The following KDM4C variants were observed in gnomAD, a reference collection of about 807,000 sequenced individuals.
KDM4C encodes lysine-specific demethylase 4C.
Under a neutral mutation model 129.3 loss-of-function variants are expected in KDM4C, and 81 were observed. The observed-to-expected ratio is 0.63, with a 90% CI of 0.52 to 0.75. The LOEUF is 0.75. Among genes scored for constraint, KDM4C ranks in the 30% least tolerant of loss-of-function variants. The pLI is 0.00. For synonymous variants in KDM4C, 573 were observed against 456.1 expected, an observed-to-expected ratio of 1.26 and a Z score of -3.26; for missense variants, 1,457 against 1,304.0, an observed-to-expected ratio of 1.12 and a Z score of -1.81.
chr9:6,864,798 T>G (rs1213949159), intron 5 of KDM4C, among the ~76,000 whole-genome samples: 1 of 150,960 alleles, frequency 6.6e-6, no homozygotes, highest in Non-Finnish European at 1.5e-5. Context: ...TTTCTATATC[T>G]TGTTGGCAAT....
At chr9:7,136,006 G>T (rs148759393) in intron 19 of KDM4C, among the ~76,000 whole-genome samples, 1 of 152,230 alleles carries the variant, frequency 6.6e-6, no homozygotes, top group African/African-American at 2.4e-5. Context: ...CCCAGTGGAG[G>T]TTATTGACAG....
intron 17 of KDM4C, among the ~76,000 whole-genome samples, chr9:7,087,308 A>G (rs959157929): frequency 6.6e-5 from 10 of 152,104 alleles, no homozygotes; most frequent in Admixed American, 3.9e-4. Flanking sequence ...TATAATTAAA[A>G]TGACACAGAA....
At chr9:7,087,285 G>C (rs200335047) in intron 17 of KDM4C, among the ~76,000 whole-genome samples, 1 of 141,080 alleles carries the variant, frequency 7.1e-6, no homozygotes. Flanking sequence ...TTTTTTTTTT[G>C]AAAAAAGAAA....
At chr9:7,000,948 G>A (rs746634705) in intron 12 of KDM4C, among the ~76,000 whole-genome samples, 1 of 152,016 alleles carries the variant, frequency 6.6e-6, no homozygotes. Flanking sequence ...TTGTTTTGCC[G>A]CTGGCCAATG....
chr9:6,925,759 T>C (rs79964067), intron 8 of KDM4C: 14,441 of 454,416 alleles, frequency 0.032, 1,391 homozygotes, highest in African/African-American at 0.23. Flanking sequence ...AACTTTTTAA[T>C]TGAGATTCAT....
At chr9:7,067,449 T>C (rs540173356) in intron 17 of KDM4C, among the ~76,000 whole-genome samples, 1 of 152,292 alleles carries the variant, frequency 6.6e-6, no homozygotes, top group East Asian at 1.9e-4. Context: ...TACATTCTAT[T>C]TCTCTGAGAA....
At position 6,979,345 on chromosome 9, in the gene KDM4C, A is replaced by G. The variant is rs554254419; in HGVS notation, c.922-1580A>G. Among the ~76,000 whole-genome samples, 3 of 152,348 alleles carry G rather than the reference A, an allele frequency of 2.0e-5. No homozygotes were observed. In the South Asian group the frequency reaches 6.2e-4, roughly 32 times the overall value. ...TTCAGAGGAACAGTTGGGACAATTT[A>G]TATTCAGAGCCGAGGATGAAGTTTT... On this transcript the variant is annotated intron_variant, in intron 8 of 21. Transcript: ENST00000381309.
intron 8 of KDM4C, among the ~76,000 whole-genome samples, chr9:6,895,954 C>T (rs978061885): frequency 4.6e-5 from 7 of 152,098 alleles, no homozygotes; most frequent in African/African-American, 1.7e-4. Flanking sequence ...GCTGAGTTAG[C>T]ATTTTTTTTA....
intron 8 of KDM4C, among the ~76,000 whole-genome samples, chr9:6,932,314 A>AATG: frequency 6.6e-6 from 1 of 152,048 alleles, no homozygotes; most frequent in East Asian, 1.9e-4. Flanking sequence ...TTTCTGCGGC[A>AATG]CAGGGATTAT....
At chr9:7,126,005 A>C (rs992313274) in intron 18 of KDM4C, among the ~76,000 whole-genome samples, 1 of 152,248 alleles carries the variant, frequency 6.6e-6, no homozygotes, top group African/African-American at 2.4e-5. Context: ...CGGGGACTAT[A>C]GCCTTATCTT....
intron 8 of KDM4C, among the ~76,000 whole-genome samples, chr9:6,956,208 A>G (rs183918400): frequency 7.9e-5 from 12 of 152,248 alleles, no homozygotes; most frequent in African/African-American, 1.2e-4. Context: ...ACTATAGTCG[A>G]TAATAACTTA....
At chr9:6,891,911 C>G (rs1279365962) in intron 7 of KDM4C, among the ~76,000 whole-genome samples, 1 of 152,022 alleles carries the variant, frequency 6.6e-6, no homozygotes, top group Non-Finnish European at 1.5e-5. Context: ...TTTGTCAAAA[C>G]AGATCAAACT....
At chr9:6,938,919 A>C (rs918430899) in intron 8 of KDM4C, among the ~76,000 whole-genome samples, 1 of 152,024 alleles carries the variant, frequency 6.6e-6, no homozygotes, top group African/African-American at 2.4e-5. Context: ...GAATGCATAG[A>C]CCTGTTACTC....
chr9:6,769,116 T>G (rs1003497024), intron 1 of KDM4C, among the ~76,000 whole-genome samples: 1 of 152,164 alleles, frequency 6.6e-6, no homozygotes, highest in Non-Finnish European at 1.5e-5. Flanking sequence ...ATCAATACTC[T>G]TAAGTGAAGC....
At chr9:6,804,427 C>A (rs192843843) in intron 2 of KDM4C, among the ~76,000 whole-genome samples, 80 of 152,302 alleles carry the variant, frequency 5.3e-4, no homozygotes, top group African/African-American at 1.8e-3. Context: ...TACTAGCATA[C>A]CGCTGTGCTA....
chr9:6,837,950 C>T (rs915897650), intron 4 of KDM4C, among the ~76,000 whole-genome samples: 29 of 152,076 alleles, frequency 1.9e-4, no homozygotes, highest in Admixed American at 1.9e-3. Context: ...GCTTAACTTA[C>T]CTTTCAGACT....
At chr9:6,781,285 C>G (rs537062788) in intron 1 of KDM4C, among the ~76,000 whole-genome samples, 144 of 152,258 alleles carry the variant, frequency 9.5e-4, no homozygotes, top group African/African-American at 3.4e-3. Flanking sequence ...CTAGTAAATA[C>G]TGAAATGTTG....
chr9:7,000,587 T>C (rs1018785305), intron 12 of KDM4C, among the ~76,000 whole-genome samples: 1 of 152,214 alleles, frequency 6.6e-6, no homozygotes, highest in African/African-American at 2.4e-5. Context: ...TAGCACAGTT[T>C]CATGGTGCAT....
In KDM4C at chr9:6,765,793, C is replaced by CT. The variant is rs1033536872; in HGVS notation, c.-18+7598dup. 5.3e-5 allele frequency among the ~76,000 whole-genome samples: 8 copies of CT among 151,938 alleles called. No homozygotes were observed. In the East Asian group the frequency reaches 5.8e-4, roughly 11 times the overall value. ...CTATGCTGTACTCTATTTTCTTTTT[C>CT]TTTTTTTTGCAGGGGGATGGAGTCT... is the stretch of plus-strand genomic sequence containing the variant. On this transcript the variant is annotated intron_variant, in intron 1 of 21. Coordinates refer to ENST00000381309, the MANE Select transcript of KDM4C (RefSeq NM_015061.6).
Sources: gnomAD v4.1 joint callset for allele counts (sites outside exome capture counted in the v4.1 genomes callset) on GRCh38, gnomAD v4.1.1 for gene constraint, MANE v1.5 for transcripts, NCBI Gene and HGNC (gene_info 2026-07-23, HGNC 2026-07-21) for gene names.